STXBP5: variants seen among roughly 807,000 people sequenced by gnomAD.
The protein encoded by STXBP5 is syntaxin binding protein 5.
STXBP5 carries 50 observed loss-of-function variants against 152.4 expected under a neutral mutation model. The ratio of observed to expected loss-of-function variants is 0.33; its 90% CI spans 0.26 to 0.42. STXBP5 has a LOEUF of 0.42. Among genes scored for constraint, STXBP5 ranks in the 10% least tolerant of loss-of-function variants. STXBP5 has a pLI of 1.00. For missense variants in STXBP5, 1,167 were observed against 1,388.6 expected, an observed-to-expected ratio of 0.84 and a Z score of 2.54; for synonymous variants, 492 against 494.7, an observed-to-expected ratio of 0.99 and a Z score of 0.07.
intron 2 of STXBP5, 63 bp from the exon 3 acceptor site, chr6:147,235,187 A>T: frequency 9.3e-6 from 13 of 1,397,998 alleles, no homozygotes; most frequent in Middle Eastern, 1.8e-4. Context: ...AGCCTATTAT[A>T]TAACTTACCA....
intron 26 of STXBP5, among the ~76,000 whole-genome samples, chr6:147,376,922 T>G (rs1315718385): frequency 6.6e-6 from 1 of 152,108 alleles, no homozygotes; most frequent in Non-Finnish European, 1.5e-5. Context: ...AAAAGCATGA[T>G]CACAAATGAA....
intron 2 of STXBP5, among the ~76,000 whole-genome samples, chr6:147,219,799 G>GTTTTTTTTT (rs35444906): frequency 2.3e-5 from 2 of 86,102 alleles, no homozygotes; most frequent in Non-Finnish European, 4.6e-5. Context: ...CTAGAAGCTT[G>GTTTTTTTTT]TTTTTTTTTT....
intron 21 of STXBP5, among the ~76,000 whole-genome samples, chr6:147,346,106 T>G (rs75270114): frequency 0.012 from 1,839 of 152,286 alleles, 15 homozygotes; most frequent in Non-Finnish European, 0.016. Context: ...TCATCCAGAT[T>G]GCATGCTTTC....
intron 25 of STXBP5, among the ~76,000 whole-genome samples, chr6:147,372,249 A>G (rs1190778519): frequency 6.6e-6 from 1 of 151,978 alleles, no homozygotes; most frequent in South Asian, 2.1e-4. Context: ...GTTAATATGG[A>G]TATGTCTAAA....
intron 2 of STXBP5, among the ~76,000 whole-genome samples, chr6:147,221,425 GA>G (rs1486507881): frequency 2.0e-5 from 3 of 151,666 alleles, no homozygotes; most frequent in African/African-American, 7.3e-5. Flanking sequence ...TTTTCTTTAA[GA>G]AAAAAACAAC....
intron 4 of STXBP5, among the ~76,000 whole-genome samples, chr6:147,249,309 T>C (rs562203544): frequency 3.3e-5 from 5 of 152,198 alleles, no homozygotes; most frequent in African/African-American, 1.2e-4. Flanking sequence ...AATACTACTG[T>C]AACAAATATC....
chr6:147,265,801 G>C (rs1346917716), intron 6 of STXBP5, among the ~76,000 whole-genome samples: 1 of 151,944 alleles, frequency 6.6e-6, no homozygotes, highest in East Asian at 1.9e-4. Flanking sequence ...AGGTATTGTG[G>C]TAAACAAGAT....
intron 25 of STXBP5, among the ~76,000 whole-genome samples, chr6:147,367,769 T>C (rs1423291017): frequency 6.6e-6 from 1 of 151,952 alleles, no homozygotes; most frequent in Non-Finnish European, 1.5e-5. Flanking sequence ...ACTAATAAAA[T>C]TAATCTCAAG....
At chr6:147,368,635 A>G (rs1480237922) in intron 25 of STXBP5, among the ~76,000 whole-genome samples, 4 of 152,152 alleles carry the variant, frequency 2.6e-5, no homozygotes, top group African/African-American at 9.6e-5. Context: ...CACTCAGGCA[A>G]GGAAAAGAAA....
At chr6:147,264,452 G>C (rs1779789312) in intron 6 of STXBP5, among the ~76,000 whole-genome samples, 1 of 152,046 alleles carries the variant, frequency 6.6e-6, no homozygotes, top group Non-Finnish European at 1.5e-5. Context: ...CAGAGACTTG[G>C]TGACATTATG....
intron 22 of STXBP5, among the ~76,000 whole-genome samples, chr6:147,356,505 TG>T (rs1423871896): frequency 6.6e-6 from 1 of 151,838 alleles, no homozygotes; most frequent in Non-Finnish European, 1.5e-5. Flanking sequence ...GTGTTGATTA[TG>T]GAAAGTTGTT....
chr6:147,314,025 CA>C lies in STXBP5; in HGVS notation c.1292del (p.Lys431ArgfsTer20). ...GARQKRQGYS[K>X]KEWPINGGNW... Reference sequence around the variant, plus strand: ...CTAGACAGAAACGTCAAGGTTACAGCAAAAAGGTATTGAACATGAGCTTCAG... The same window carrying C: ...CTAGACAGAAACGTCAAGGTTACAGCAAAAGGTATTGAACATGAGCTTCAG... On this transcript the variant is annotated frameshift_variant, in exon 12 of 28. Transcript: ENST00000321680. LOFTEE classifies it high-confidence loss of function. 1 of 1,579,486 alleles carries C rather than the reference CA, an allele frequency of 6.3e-7. No individual in the cohort carries two copies. The highest frequency in any genetic ancestry group is 8.6e-7 in the Non-Finnish European group (1 of 1,159,070).
At chr6:147,260,497 G>A in intron 4 of STXBP5, 118 bp from the exon 5 acceptor site, 1 of 1,114,912 alleles carries the variant, frequency 9.0e-7, no homozygotes, top group Non-Finnish European at 1.3e-6. Context: ...AGATAAATCT[G>A]ATGATTATAT....
chr6:147,210,345 G>T (rs1164567226), intron 2 of STXBP5, among the ~76,000 whole-genome samples: 2 of 152,138 alleles, frequency 1.3e-5, no homozygotes, highest in Admixed American at 6.5e-5. Context: ...GAGTAGCCTA[G>T]ACTTCTTATT....
Position 147,314,317 on chromosome 6 carries a change from A to C in STXBP5, c.1347A>C (p.Glu449Asp). 1 of 1,612,062 alleles carries C rather than the reference A, an allele frequency of 6.2e-7. No individual in the cohort carries two copies. The highest frequency in any genetic ancestry group is 1.1e-5 in the South Asian group (1 of 91,042). Residue 449 changes from glutamate (E) to aspartate (D), a missense_variant, in exon 13 of 28, where the codon GAA (glutamate) becomes GAC (aspartate). Transcript: ENST00000321680. ...GCTTGGGTGCTCAAAGTTACCCAGAAATAATTATTACAGGGTAAGTAAAAG... is the reference window on the plus strand; with the variant it reads ...GCTTGGGTGCTCAAAGTTACCCAGACATAATTATTACAGGGTAAGTAAAAG... ...NWGLGAQSYP[E>D]IIITGHADGS...
chr6:147,221,736 G>T (rs1777472306), intron 2 of STXBP5, among the ~76,000 whole-genome samples: 1 of 148,810 alleles, frequency 6.7e-6, no homozygotes, highest in South Asian at 2.1e-4. Context: ...ATGTCTAGGT[G>T]TAGCTTTCTT....
intron 2 of STXBP5, among the ~76,000 whole-genome samples, chr6:147,230,667 G>A (rs568465294): frequency 2.6e-5 from 4 of 151,946 alleles, no homozygotes; most frequent in African/African-American, 9.6e-5. Flanking sequence ...TGCTGTGTGT[G>A]TGTGTGTGTA....
intron 16 of STXBP5, among the ~76,000 whole-genome samples, chr6:147,320,234 A>G (rs542178667): frequency 1.3e-4 from 20 of 152,280 alleles, no homozygotes; most frequent in African/African-American, 4.8e-4. Flanking sequence ...GCCAACTAGC[A>G]CAAGAGCCAG....
chr6:147,375,669 G>C (rs1295939480), intron 26 of STXBP5, among the ~76,000 whole-genome samples: 1 of 150,974 alleles, frequency 6.6e-6, no homozygotes, highest in East Asian at 1.9e-4. Flanking sequence ...AAACTTTTTA[G>C]AATTGATACA....
Sources: gnomAD v4.1 joint callset for allele counts (sites outside exome capture counted in the v4.1 genomes callset) on GRCh38, gnomAD v4.1.1 for gene constraint, MANE v1.5 for transcripts, NCBI Gene and HGNC (gene_info 2026-07-23, HGNC 2026-07-21) for gene names.